FBXO40: variants seen among roughly 807,000 people sequenced by gnomAD.
The protein encoded by FBXO40 is F-box protein 40, also known as F-box only protein 40.
A neutral mutation model predicts 49.9 loss-of-function variants in FBXO40; 50 were observed. That is an observed-to-expected ratio of 1.00 (90% CI 0.80 to 1.27). The LOEUF is 1.27. Among genes scored for constraint, FBXO40 ranks in the 50% most tolerant of loss-of-function variants. FBXO40 has a pLI of 0.00. For synonymous variants in FBXO40, 340 were observed against 320.2 expected, an observed-to-expected ratio of 1.06 and a Z score of -0.66; for missense variants, 895 against 870.1, an observed-to-expected ratio of 1.03 and a Z score of -0.36.
intron 1 of FBXO40, among the ~76,000 whole-genome samples, chr3:121,612,712 T>C (rs1269586056): frequency 2.6e-5 from 4 of 152,092 alleles, no homozygotes; most frequent in Non-Finnish European, 5.9e-5. Context: ...TAGGGGCCGC[T>C]GTAACACCTG....
At position 121,621,982 on chromosome 3, in the gene FBXO40, C is replaced by A. The variant is rs1205904264; in HGVS notation, c.553C>A (p.Leu185Met). The A allele has an allele frequency of 1.2e-6, 2 of 1,614,164 alleles. No homozygotes were observed. Among genetic ancestry groups the A allele is most frequent in the East Asian group, 4.5e-5 (2 of 44,888 alleles). ...GVDIGLVPHG[L>M]SATNGEMAEL... Reference sequence around the variant, plus strand: ...GGATATCGGTTTGGTACCACATGGTCTGTCAGCAACTAATGGGGAGATGGC... The same window carrying A: ...GGATATCGGTTTGGTACCACATGGTATGTCAGCAACTAATGGGGAGATGGC... Residue 185 changes from leucine to methionine, a missense_variant, in exon 3 of 4, where the codon CTG (leucine) becomes ATG (methionine). Transcript: ENST00000338040.
At chr3:121,604,666 C>T (rs1053921445) in intron 1 of FBXO40, among the ~76,000 whole-genome samples, 7 of 152,222 alleles carry the variant, frequency 4.6e-5, no homozygotes, top group African/African-American at 1.7e-4. Flanking sequence ...CTGATAATAG[C>T]ACAGGTTCCT....
chr3:121,624,013 G>T (rs2049049209), intron 3 of FBXO40, among the ~76,000 whole-genome samples: 3 of 103,542 alleles, frequency 2.9e-5, no homozygotes, highest in Non-Finnish European at 3.8e-5. Context: ...TTTCTGAGAT[G>T]GAGTTTTGCT....
intron 1 of FBXO40, among the ~76,000 whole-genome samples, chr3:121,599,609 C>G (rs1560126881): frequency 7.0e-6 from 1 of 142,520 alleles, no homozygotes; most frequent in Non-Finnish European, 1.5e-5. Flanking sequence ...GTGCTTTGAT[C>G]TAGTAGGTAT....
In FBXO40 at chr3:121,628,839, C is replaced by T. The variant is rs892913516; in HGVS notation, c.*1929C>T. ...ATGGCTTCATGTCCTTCAGCCACCC[C>T]CAAGAATGTATCCTTTCAGCTCTCT... On this transcript the variant is annotated 3_prime_UTR_variant, in exon 4 of 4. Coordinates refer to ENST00000338040, the MANE Select transcript of FBXO40 (RefSeq NM_016298.4). The T allele has an allele frequency of 6.6e-6, 1 of 152,162 alleles. No individual in the cohort carries two copies. Among genetic ancestry groups the T allele is most frequent in the Non-Finnish European group, 1.5e-5 (1 of 68,020 alleles). The allele number at this position is 152,162 out of a possible 1,614,324, so 9.4% of individuals were successfully genotyped here. A position where few individuals can be genotyped will look rare whatever the true frequency, so the allele number is the denominator to read the frequency against.
intron 1 of FBXO40, among the ~76,000 whole-genome samples, chr3:121,604,577 C>A (rs112926002): frequency 0.014 from 2,159 of 152,184 alleles, 48 homozygotes; most frequent in African/African-American, 0.049. Flanking sequence ...TTAGAGATGG[C>A]TTTAATTTGT....
rs1461763732 is a variant in FBXO40, at chr3:121,629,477, T to C, written c.*2567T>C. The C allele has an allele frequency of 2.0e-5, 3 of 152,152 alleles. No individual in the cohort carries two copies. The highest frequency in any genetic ancestry group is 7.2e-5 in the African/African-American group (3 of 41,422). The allele number at this position is 152,152 out of a possible 1,614,324, so 9.4% of individuals were successfully genotyped here. ...GTCCACTCTGGGTTTGTGATTTTAA[T>C]AGAAATAGAAAGGGAAACTATAGAC... is the stretch of plus-strand genomic sequence containing the variant. On this transcript the variant is annotated 3_prime_UTR_variant, in exon 4 of 4. Coordinates refer to ENST00000338040, the MANE Select transcript of FBXO40 (RefSeq NM_016298.4).
chr3:121,612,772 T>TA (rs920911738), intron 1 of FBXO40, among the ~76,000 whole-genome samples: 3 of 151,354 alleles, frequency 2.0e-5, no homozygotes, highest in South Asian at 2.1e-4. Context: ...AGTGTTATAT[T>TA]AAAAAAAAAT....
chr3:121,598,929 C>A (rs1336238886), intron 1 of FBXO40, among the ~76,000 whole-genome samples: 1 of 152,154 alleles, frequency 6.6e-6, no homozygotes, highest in African/African-American at 2.4e-5. Flanking sequence ...ACAAGCTATG[C>A]CTCAGGCTCA....
intron 1 of FBXO40, among the ~76,000 whole-genome samples, chr3:121,594,894 G>T (rs549823152): frequency 6.6e-6 from 1 of 152,246 alleles, no homozygotes; most frequent in African/African-American, 2.4e-5. Context: ...GGTATCAAAA[G>T]TTATAACTTT....
Position 121,626,689 on chromosome 3 carries a change from C to T in FBXO40, c.1915-6C>T, listed in dbSNP as rs749987678. ...TTCACCTTTGAACTTCTATCTTTCT[C>T]AACAGATCTGGCAGTTCAGCAGCCT... On this transcript the variant is annotated splice_region_variant and splice_polypyrimidine_tract_variant and intron_variant, in intron 3 of 3. Coordinates refer to ENST00000338040, the MANE Select transcript of FBXO40 (RefSeq NM_016298.4). 4.3e-6 allele frequency: 7 copies of T among 1,613,744 alleles called. No homozygotes were observed. In the South Asian group the frequency reaches 5.5e-5, roughly 13 times the overall value.
At chr3:121,614,093 C>T (rs1442268190) in intron 1 of FBXO40, among the ~76,000 whole-genome samples, 1 of 151,916 alleles carries the variant, frequency 6.6e-6, no homozygotes, top group Non-Finnish European at 1.5e-5. Context: ...ATGGTGAAAC[C>T]CTCTATCTAT....
intron 1 of FBXO40, among the ~76,000 whole-genome samples, chr3:121,616,276 A>G (rs1268254259): frequency 6.6e-6 from 1 of 152,092 alleles, no homozygotes; most frequent in Non-Finnish European, 1.5e-5. Flanking sequence ...GTCCAGAACA[A>G]GGGTTCTCAT....
intron 1 of FBXO40, among the ~76,000 whole-genome samples, chr3:121,608,886 A>G (rs186883127): frequency 6.6e-6 from 1 of 152,304 alleles, no homozygotes; most frequent in East Asian, 1.9e-4. Context: ...ATAAAGGAAA[A>G]ATGGCTTATC....
Position 121,622,514 on chromosome 3 carries a change from G to T in FBXO40, c.1085G>T (p.Arg362Leu). 1 of 1,614,174 alleles carries T rather than the reference G, an allele frequency of 6.2e-7. No homozygotes were observed. The highest frequency in any genetic ancestry group is 8.5e-7 in the Non-Finnish European group (1 of 1,180,036). ...VPVSYCGKRA[R>L]LGDAMLSCKP... is the part of the protein sequence containing the mutation. ...GTGAGCTACTGTGGAAAGCGAGCTC[G>T]ACTTGGAGATGCCATGTTGAGTTGT... Residue 362 changes from arginine to leucine, a missense_variant, in exon 3 of 4, where the codon CGA becomes CTA. Physicochemically the swap from Arg to Leu is moderately radical, Grantham distance 102 (BLOSUM62 -2). Coordinates refer to ENST00000338040, the MANE Select transcript of FBXO40 (RefSeq NM_016298.4).
intron 1 of FBXO40, among the ~76,000 whole-genome samples, chr3:121,610,418 ACTC>A (rs2048958185): frequency 6.6e-6 from 1 of 151,940 alleles, no homozygotes; most frequent in Non-Finnish European, 1.5e-5. Flanking sequence ...TATGAAATGA[ACTC>A]CTGGCAATGC....
Position 121,607,470 on chromosome 3 carries a change from C to T in FBXO40, c.-30-13076C>T, listed in dbSNP as rs377021019. Among the ~76,000 whole-genome samples, 144 of 151,458 alleles carry T rather than the reference C, an allele frequency of 9.5e-4. No homozygotes were observed. In the East Asian group the frequency reaches 0.011, roughly 12 times the overall value. Reference sequence around the variant, plus strand: ...GACTACAGGCGCCCACCACCACGCCCGGCTAATTTTTTGTATTTTTAGTAG... The same window carrying T: ...GACTACAGGCGCCCACCACCACGCCTGGCTAATTTTTTGTATTTTTAGTAG... On this transcript the variant is annotated intron_variant, in intron 1 of 3. Transcript: ENST00000338040.
chr3:121,595,337 C>T (rs1207119201), intron 1 of FBXO40, among the ~76,000 whole-genome samples: 2 of 152,150 alleles, frequency 1.3e-5, no homozygotes, highest in African/African-American at 4.8e-5. Context: ...GGGATGCTGT[C>T]CTGGTGAAAC....
At position 121,622,463 on chromosome 3, in the gene FBXO40, A is replaced by G. The variant is rs1576456021; in HGVS notation, c.1034A>G (p.Lys345Arg). 6.2e-7 allele frequency: 1 copy of G among 1,614,234 alleles called. No individual in the cohort carries two copies. The highest frequency in any genetic ancestry group is 8.5e-7 in the Non-Finnish European group (1 of 1,180,044). Residue 345 changes from lysine to arginine, a missense_variant, in exon 3 of 4, where the codon AAG becomes AGG. Physicochemically the swap from Lys to Arg is conservative, Grantham distance 26 (BLOSUM62 2). Transcript: ENST00000338040. ...GGCAAGCTGGAGGCTCAGGAAGTTA[A>G]GACTGTTTACACCTTCAAAGTTCCT... The part of the protein sequence containing the change: ...VYGKLEAQEV[K>R]TVYTFKVPVS...
Sources: gnomAD v4.1 joint callset for allele counts (sites outside exome capture counted in the v4.1 genomes callset) on GRCh38, gnomAD v4.1.1 for gene constraint, MANE v1.5 for transcripts, NCBI Gene and HGNC (gene_info 2026-07-23, HGNC 2026-07-21) for gene names.